Variants in HMGXB3 observed in about 807,000 individuals in gnomAD.
The protein encoded by HMGXB3 is HMG domain-containing protein 3.
Under a neutral mutation model 121.5 loss-of-function variants are expected in HMGXB3, and 45 were observed. The ratio of observed to expected loss-of-function variants is 0.37; its 90% CI spans 0.29 to 0.47. The LOEUF (loss-of-function observed/expected upper bound fraction) is 0.47. HMGXB3 is among the 20% of genes least tolerant of loss of function. The pLI is 0.99. For synonymous variants in HMGXB3, 590 were observed against 624.1 expected (o/e 0.95, Z 0.81); for missense variants, 1,376 against 1,602.2 (o/e 0.86, Z 2.41).
In HMGXB3 at chr5:150,027,042, T is replaced by C. The variant is rs1374399662; in HGVS notation, c.1659T>C (p.Thr553=). The part of the protein sequence containing the change: ...SLSDKTPSVR[T]CGLKPSTLKQ... Reference sequence around the variant, plus strand: ...CAGATAAGACTCCCTCTGTGAGGACTTGTGGTCTGAAGCCAAGCACACTGA... The same window carrying C: ...CAGATAAGACTCCCTCTGTGAGGACCTGTGGTCTGAAGCCAAGCACACTGA... The change falls in exon 9 of 20, where the codon ACT becomes ACC. Residue 553 remains threonine (T), a synonymous_variant. Coordinates refer to ENST00000502717, the MANE Select transcript of HMGXB3 (RefSeq NM_014983.3). 4.5e-6 allele frequency: 7 copies of C among 1,551,720 alleles called. No individual in the cohort carries two copies. The highest frequency in any genetic ancestry group is 6.1e-6 in the Non-Finnish European group (7 of 1,147,000).
Position 150,027,111 on chromosome 5 carries a change from G to A in HMGXB3, c.1728G>A (p.Glu576=). The A allele has an allele frequency of 6.4e-7, 1 of 1,551,168 alleles. No homozygotes were observed. Among genetic ancestry groups the A allele is most frequent in the Non-Finnish European group, 8.7e-7 (1 of 1,146,896 alleles). ...TTCAACAGCCATCTGGCCCTGGTGA[G>A]GTGAAGGTAAGGCCCATTTTCCAGA... ...QPIQQPSGPG[E]VKLPSGPSNR... is the part of the protein sequence containing the mutation. Residue 576 remains glutamate, a synonymous_variant, in exon 9 of 20, where the codon GAG becomes GAA. Transcript: ENST00000502717.
Position 150,048,664 on chromosome 5 carries a change from C to A in HMGXB3, c.3180C>A (p.Ile1060=). Residue 1060 remains isoleucine, a synonymous_variant, in exon 18 of 20, where the codon ATC becomes ATA. Coordinates refer to ENST00000502717, the MANE Select transcript of HMGXB3 (RefSeq NM_014983.3). ...RPPRHFTGGK[I]YKVCPHQVVC... ...CACGTCACTTCACAGGTGGTAAAAT[C>A]TACAAGGTGTGCCCCCATCAGGTAA... is the stretch of plus-strand genomic sequence containing the variant. The A allele has an allele frequency of 1.9e-6, 3 of 1,550,668 alleles. No homozygotes were observed. The highest frequency in any genetic ancestry group is 2.4e-5 in the South Asian group (2 of 84,036).
At chr5:150,030,718 A>G (rs1316342301) in intron 9 of HMGXB3, 23 bp from the exon 10 acceptor site, 2 of 1,532,494 alleles carry the variant, frequency 1.3e-6, no homozygotes, top group Middle Eastern at 1.7e-4. Flanking sequence ...CAAAAGCACT[A>G]AATAATTTGT....
intron 6 of HMGXB3, among the ~76,000 whole-genome samples, chr5:150,020,374 T>C (rs1756060295): frequency 6.6e-6 from 1 of 152,220 alleles, no homozygotes; most frequent in Admixed American, 6.5e-5. Flanking sequence ...AGTGGGGAGA[T>C]TGAACTGGAT....
chr5:150,026,957 C>A, intron 8 of HMGXB3, 63 bp from the exon 9 acceptor site: 2 of 1,535,310 alleles, frequency 1.3e-6, no homozygotes, highest in Non-Finnish European at 8.8e-7. Context: ...TGAGAACGGA[C>A]ATAGAGACTT....
At chr5:150,042,663 A>ACC (rs1434158842) in intron 15 of HMGXB3, among the ~76,000 whole-genome samples, 1 of 152,112 alleles carries the variant, frequency 6.6e-6, no homozygotes, top group African/African-American at 2.4e-5. Flanking sequence ...GGCCGACGCT[A>ACC]TGTAGGGTAA....
chr5:150,052,902 C>A lies in HMGXB3; in HGVS notation c.*710C>A, dbSNP rs1022715994. On this transcript the variant is annotated 3_prime_UTR_variant, in exon 20 of 20. Transcript: ENST00000502717. Reference sequence around the variant, plus strand: ...ATCCTCTCTGGGCCTGGGACCCTCTCCACAGAGGGGATGTGGTCCCTGGTC... The same window carrying A: ...ATCCTCTCTGGGCCTGGGACCCTCTACACAGAGGGGATGTGGTCCCTGGTC... The A allele has an allele frequency of 2.6e-5, 4 of 152,484 alleles. No homozygotes were observed. Among genetic ancestry groups the A allele is most frequent in the South Asian group, 4.1e-4 (2 of 4,822 alleles). 9.4% of individuals were successfully genotyped at this position (152,484 alleles called of 1,614,324 possible).
chr5:150,046,736 C>T (rs1483279880), intron 16 of HMGXB3, among the ~76,000 whole-genome samples: 5 of 151,890 alleles, frequency 3.3e-5, no homozygotes, highest in African/African-American at 1.2e-4. Flanking sequence ...GGCGTGAACC[C>T]GGGAGGCGGA....
intron 6 of HMGXB3, among the ~76,000 whole-genome samples, chr5:150,022,209 T>C (rs138136625): frequency 6.6e-6 from 1 of 152,200 alleles, no homozygotes; most frequent in Non-Finnish European, 1.5e-5. Flanking sequence ...TTAATAAGAT[T>C]TCTTGAATTC....
In HMGXB3 at chr5:150,016,450, G is replaced by A. The variant is rs1021942566; in HGVS notation, c.910-2116G>A. Among the ~76,000 whole-genome samples, 5 of 151,904 alleles carry A rather than the reference G, an allele frequency of 3.3e-5. 1 individual carries two copies. Among genetic ancestry groups the A allele is most frequent in the Admixed American group, 2.0e-4 (3 of 15,258 alleles). On this transcript the variant is annotated intron_variant, in intron 5 of 19. Transcript: ENST00000502717. ...TCGCAAATTTTGACTCTCTTGCGAA[G>A]TATGTAAACATGTAGGATTGTTGTG...
chr5:150,028,503 GTA>G (rs1401058116), intron 9 of HMGXB3, among the ~76,000 whole-genome samples: 4,815 of 44,420 alleles, frequency 0.11, 212 homozygotes, highest in African/African-American at 0.12. Flanking sequence ...ATATATGTAT[GTA>G]TGTGTGTGTG....
intron 6 of HMGXB3, among the ~76,000 whole-genome samples, chr5:150,022,292 C>T (rs190301208): frequency 6.6e-6 from 1 of 152,326 alleles, no homozygotes; most frequent in East Asian, 1.9e-4. Flanking sequence ...GGAAATGACT[C>T]ACCTTTTGTT....
intron 6 of HMGXB3, among the ~76,000 whole-genome samples, chr5:150,023,462 A>G (rs1756149829): frequency 6.6e-6 from 1 of 152,220 alleles, no homozygotes; most frequent in African/African-American, 2.4e-5. Context: ...CCTAGTTTAC[A>G]GTGCCCTTTA....
chr5:150,026,670 C>A (rs1756237627), intron 7 of HMGXB3, 36 bp from the exon 8 acceptor site: 3 of 1,526,942 alleles, frequency 2.0e-6, no homozygotes, highest in Non-Finnish European at 2.6e-6. Context: ...TCCCTTTGTT[C>A]CAGAATTTCC....
intron 1 of HMGXB3, among the ~76,000 whole-genome samples, chr5:150,003,796 T>C (rs1225804621): frequency 6.6e-6 from 1 of 151,430 alleles, no homozygotes; most frequent in East Asian, 1.9e-4. Flanking sequence ...AAACCCTATC[T>C]CTCCAAAAAA....
intron 1 of HMGXB3, among the ~76,000 whole-genome samples, chr5:150,003,634 A>G (rs1448967790): frequency 2.0e-5 from 3 of 149,494 alleles, no homozygotes; most frequent in Non-Finnish European, 4.4e-5. Flanking sequence ...GAACTCTTCC[A>G]TTTTTTTTTC....
chr5:150,006,451 G>A, intron 2 of HMGXB3, 22 bp from the exon 3 acceptor site: 1 of 1,543,702 alleles, frequency 6.5e-7, no homozygotes. Flanking sequence ...GGGAAAGCCT[G>A]AAGAAGTCAT....
chr5:150,006,012 T>A (rs1157006090), intron 2 of HMGXB3, among the ~76,000 whole-genome samples: 2 of 152,242 alleles, frequency 1.3e-5, no homozygotes, highest in Non-Finnish European at 2.9e-5. Flanking sequence ...CCACTTGCTA[T>A]CTTTACCATT....
chr5:150,043,406 C>T (rs1756683349), intron 15 of HMGXB3, among the ~76,000 whole-genome samples: 1 of 152,208 alleles, frequency 6.6e-6, no homozygotes, highest in South Asian at 2.1e-4. Context: ...GAGCCTGGGA[C>T]ATGAGCTGAC....
Sources: allele counts gnomAD v4.1 joint callset (sites outside exome capture counted in the v4.1 genomes callset), GRCh38; gene constraint gnomAD v4.1.1; transcripts MANE v1.5; gene names NCBI Gene and HGNC (gene_info 2026-07-23, HGNC 2026-07-21).